The following TNKS variants were observed in gnomAD, a reference collection of about 807,000 sequenced individuals.
The protein encoded by TNKS is poly [ADP-ribose] polymerase tankyrase-1.
Under a neutral mutation model 135.8 loss-of-function variants are expected in TNKS, and 72 were observed. That is an observed-to-expected ratio of 0.53 (90% confidence interval 0.44 to 0.64). The LOEUF (loss-of-function observed/expected upper bound fraction) is 0.64, where lower values mean the gene tolerates loss of function less well. Among genes scored for constraint, TNKS ranks in the 30% least tolerant of loss-of-function variants. The pLI is 0.00. For synonymous variants in TNKS, 849 were observed against 649.3 expected, an observed-to-expected ratio of 1.31 and a Z score of -4.68; for missense variants, 1,769 against 1,674.0, an observed-to-expected ratio of 1.06 and a Z score of -0.99.
intron 1 of TNKS, among the ~76,000 whole-genome samples, chr8:9,564,696 C>A (rs969399103): frequency 6.6e-6 from 1 of 152,118 alleles, no homozygotes; most frequent in African/African-American, 2.4e-5. Flanking sequence ...TATGTTTATT[C>A]TTCTGATAGC....
At chr8:9,673,127 A>C (rs981035910) in intron 3 of TNKS, among the ~76,000 whole-genome samples, 66 of 152,264 alleles carry the variant, frequency 4.3e-4, no homozygotes, top group African/African-American at 1.6e-3. Context: ...TTGACACCAC[A>C]TCAGAAACAA....
intron 5 of TNKS, among the ~76,000 whole-genome samples, chr8:9,700,936 CTTT>C (rs66830437): frequency 7.4e-4 from 105 of 142,104 alleles, no homozygotes; most frequent in South Asian, 3.5e-3. Context: ...GTTTTGCCCC[CTTT>C]TTTTTTTTTT....
chr8:9,560,222 C>T (rs543531431), intron 1 of TNKS, among the ~76,000 whole-genome samples: 1 of 151,448 alleles, frequency 6.6e-6, no homozygotes, highest in African/African-American at 2.4e-5. Flanking sequence ...TAAATGAGGT[C>T]TTTTTTTTAT....
chr8:9,761,148 A>T (rs776685819), intron 20 of TNKS, among the ~76,000 whole-genome samples: 1 of 152,090 alleles, frequency 6.6e-6, no homozygotes, highest in Non-Finnish European at 1.5e-5. Flanking sequence ...TCCCTGCTGG[A>T]TACTAGGATC....
At chr8:9,692,540 G>A (rs1448965681) in intron 5 of TNKS, among the ~76,000 whole-genome samples, 5 of 152,162 alleles carry the variant, frequency 3.3e-5, no homozygotes, top group South Asian at 4.1e-4. Flanking sequence ...CGTTAGATGC[G>A]TTTAGCTCTA....
At chr8:9,722,089 G>T (rs1360417313) in intron 12 of TNKS, among the ~76,000 whole-genome samples, 14 of 150,650 alleles carry the variant, frequency 9.3e-5, no homozygotes, top group Admixed American at 9.3e-4. Flanking sequence ...AGAAAAAAAT[G>T]CCCTAACTAT....
intron 6 of TNKS, 146 bp from the exon 7 acceptor site, chr8:9,706,041 C>A: frequency 2.3e-6 from 1 of 442,000 alleles, no homozygotes; most frequent in Non-Finnish European, 3.8e-6. Context: ...ATAAGCTATG[C>A]TTTGAATTCT....
rs906144838 is a variant in TNKS at position 9,658,389 on chromosome 8, T to G, written c.995-21562T>G. On this transcript the variant is annotated intron_variant, in intron 3 of 26. Coordinates refer to ENST00000310430, the MANE Select transcript of TNKS (RefSeq NM_003747.3). Reference sequence around the variant, plus strand: ...GCGCGGCGGCAAAGACTGAGACAGCTCCGCTGCCCGCTGAACTCCATCCTC... The same window carrying G: ...GCGCGGCGGCAAAGACTGAGACAGCGCCGCTGCCCGCTGAACTCCATCCTC... 6 of 1,315,194 alleles carry G rather than the reference T, an allele frequency of 4.6e-6. No individual in the cohort carries two copies. The African/African-American group carries it at 9.4e-5, about 21-fold the overall frequency. The allele number at this position is 1,315,194 out of a possible 1,614,324, so 81.5% of individuals were successfully genotyped here.
intron 5 of TNKS, among the ~76,000 whole-genome samples, chr8:9,682,098 C>T (rs1341083545): frequency 6.6e-6 from 1 of 152,046 alleles, no homozygotes; most frequent in Non-Finnish European, 1.5e-5. Context: ...GGGAATTTCA[C>T]ACTCTTGTGT....
intron 5 of TNKS, among the ~76,000 whole-genome samples, chr8:9,691,376 T>TA (rs1409617467): frequency 6.6e-6 from 1 of 152,214 alleles, no homozygotes; most frequent in Non-Finnish European, 1.5e-5. Flanking sequence ...TCATTATTGA[T>TA]AGAGTTTAAT....
intron 3 of TNKS, among the ~76,000 whole-genome samples, chr8:9,644,371 G>A (rs1800834291): frequency 6.6e-6 from 1 of 152,044 alleles, no homozygotes; most frequent in Middle Eastern, 3.2e-3. Context: ...AGTGGCAATT[G>A]GCTCTTTCCA....
At chr8:9,689,874 G>A (rs1419711255) in intron 5 of TNKS, among the ~76,000 whole-genome samples, 4 of 152,162 alleles carry the variant, frequency 2.6e-5, no homozygotes, top group Admixed American at 2.6e-4. Context: ...ATTAAATGCC[G>A]ATCAGTGCAA....
intron 2 of TNKS, among the ~76,000 whole-genome samples, chr8:9,592,475 T>C (rs966094712): frequency 2.6e-5 from 4 of 152,228 alleles, no homozygotes; most frequent in Non-Finnish European, 5.9e-5. Context: ...GTAAACTTCC[T>C]GTTCTTCTTG....
chr8:9,560,645 T>C (rs1797289825), intron 1 of TNKS, among the ~76,000 whole-genome samples: 1 of 151,906 alleles, frequency 6.6e-6, no homozygotes, highest in Non-Finnish European at 1.5e-5. Context: ...GAGTGGGAAT[T>C]ATCTTACACT....
At chr8:9,717,917 G>A (rs1376188494) in intron 11 of TNKS, among the ~76,000 whole-genome samples, 1 of 152,032 alleles carries the variant, frequency 6.6e-6, no homozygotes, top group Admixed American at 6.6e-5. Flanking sequence ...GGAATGTTCA[G>A]GAATCAAATA....
chr8:9,767,614 A>G lies in TNKS; in HGVS notation c.3740+1189A>G, dbSNP rs369852714. On this transcript the variant is annotated intron_variant, in intron 25 of 26. Coordinates refer to ENST00000310430, the MANE Select transcript of TNKS (RefSeq NM_003747.3). ...CATCAGCCATTTGGAGTCGGATGTCATATACCCGGAAGGAAACTTCCTTCC... is the reference window on the plus strand; with the variant it reads ...CATCAGCCATTTGGAGTCGGATGTCGTATACCCGGAAGGAAACTTCCTTCC... 4.6e-5 allele frequency among the ~76,000 whole-genome samples: 7 copies of G among 152,280 alleles called. No homozygotes were observed. In the East Asian group the frequency reaches 1.4e-3, roughly 29 times the overall value.
intron 5 of TNKS, among the ~76,000 whole-genome samples, chr8:9,682,288 T>A (rs1299146756): frequency 6.6e-6 from 1 of 152,114 alleles, no homozygotes; most frequent in African/African-American, 2.4e-5. Flanking sequence ...TTATGTGAGA[T>A]TTCTACAGCC....
chr8:9,776,992 C>A lies in TNKS; in HGVS notation c.*256C>A. 2.2e-6 allele frequency: 1 copy of A among 444,470 alleles called. No homozygotes were observed. Among genetic ancestry groups the A allele is most frequent in the African/African-American group, 2.0e-5 (1 of 51,280 alleles). 27.5% of individuals were successfully genotyped at this position (444,470 alleles called of 1,614,324 possible). ...TCAGGCTCATTTTCATTGCAATTATCCATTTCTAAAACAAGATTGCTTCGA... is the reference window on the plus strand; with the variant it reads ...TCAGGCTCATTTTCATTGCAATTATACATTTCTAAAACAAGATTGCTTCGA... On this transcript the variant is annotated 3_prime_UTR_variant, in exon 27 of 27. Transcript: ENST00000310430.
chr8:9,679,247 G>A (rs925316130), intron 3 of TNKS, among the ~76,000 whole-genome samples: 15 of 152,024 alleles, frequency 9.9e-5, no homozygotes, highest in Non-Finnish European at 1.9e-4. Context: ...TGTTAAAATT[G>A]GTATTGAATT....
Sources: gnomAD v4.1 joint callset for allele counts (sites outside exome capture counted in the v4.1 genomes callset) on GRCh38, gnomAD v4.1.1 for gene constraint, MANE v1.5 for transcripts, NCBI Gene and HGNC (gene_info 2026-07-23, HGNC 2026-07-21) for gene names.